Variants in DISP2 observed in about 807,000 individuals in gnomAD.
The protein encoded by DISP2 is protein dispatched homolog 2.
Under a neutral mutation model 95.5 loss-of-function variants are expected in DISP2, and 59 were observed. The observed-to-expected ratio is 0.62, with a 90% CI of 0.50 to 0.77. The LOEUF (loss-of-function observed/expected upper bound fraction) is 0.77. Ranked by LOEUF, DISP2 falls within the 30% of genes least tolerant of loss-of-function variation. The pLI, the probability that DISP2 is intolerant of heterozygous loss-of-function variation, is 0.00. For missense variants in DISP2, 1,752 were observed against 1,854.6 expected, an observed-to-expected ratio of 0.94 and a Z score of 1.02; for synonymous variants, 827 against 815.0, an observed-to-expected ratio of 1.01 and a Z score of -0.25.
In DISP2 at chr15:40,368,453, G is replaced by T; in HGVS notation, c.2341G>T (p.Val781Leu). 1.2e-6 allele frequency: 2 copies of T among 1,609,628 alleles called. No homozygotes were observed. The highest frequency in any genetic ancestry group is 2.2e-5 in the South Asian group (2 of 91,076). The change falls in exon 8 of 8, where the codon GTG becomes TTG. Residue 781 changes from valine to leucine, a missense_variant. Val to Leu is a conservative substitution (Grantham distance 32). Coordinates refer to ENST00000267889, the MANE Select transcript of DISP2 (RefSeq NM_033510.3). ...PVVLVWGVLPVDTGDPLDPRS... is the reference protein window; with the variant it reads ...PVVLVWGVLPLDTGDPLDPRS... ...GGTTTTGGTGTGGGGCGTCCTGCCT[G>T]TGGACACTGGCGACCCTCTGGACCC...
At chr15:40,365,573 G>A in intron 6 of DISP2, 55 bp from the exon 7 acceptor site, 1 of 1,589,700 alleles carries the variant, frequency 6.3e-7, no homozygotes, top group East Asian at 2.2e-5. Context: ...CCCTTTGGAG[G>A]ACCCAGGACC....
Position 40,361,582 on chromosome 15 carries a change from C to G in DISP2, c.120-2043C>G, listed in dbSNP as rs542613138. Among the ~76,000 whole-genome samples, 3 of 152,334 alleles carry G rather than the reference C, an allele frequency of 2.0e-5. No homozygotes were observed. In the South Asian group the frequency reaches 6.2e-4, roughly 32 times the overall value. On this transcript the variant is annotated intron_variant, in intron 1 of 7. Coordinates refer to ENST00000267889, the MANE Select transcript of DISP2 (RefSeq NM_033510.3). ...CCAAAGGGTGTTTGAGTCAGAAGCCCACCTCCACTGCTCCCCCATTTCACC... is the reference window on the plus strand; with the variant it reads ...CCAAAGGGTGTTTGAGTCAGAAGCCGACCTCCACTGCTCCCCCATTTCACC...
intron 5 of DISP2, 50 bp from the exon 6 acceptor site, chr15:40,365,097 G>C (rs776139798): frequency 6.2e-7 from 1 of 1,600,708 alleles, no homozygotes; most frequent in East Asian, 2.2e-5. Flanking sequence ...GGCCTCCTCT[G>C]AGTCTTCCAA....
intron 1 of DISP2, among the ~76,000 whole-genome samples, chr15:40,359,095 C>T (rs1889367161): frequency 6.6e-6 from 1 of 152,192 alleles, no homozygotes. Flanking sequence ...GGAGGGACAC[C>T]TTCCTGCTGA....
At position 40,368,701 on chromosome 15, in the gene DISP2, C is replaced by T. The variant is rs997390257; in HGVS notation, c.2589C>T (p.Asp863=). 1.3e-5 allele frequency: 21 copies of T among 1,613,050 alleles called. No homozygotes were observed. The highest frequency in any genetic ancestry group is 1.4e-5 in the Non-Finnish European group (17 of 1,180,040). The part of the protein sequence containing the change: ...LGPDLCCGHS[D]FPWAPQFFLH... ...CTGACCTCTGCTGCGGCCACTCGGA[C>T]TTCCCCTGGGCCCCCCAGTTTTTCC... Residue 863 remains aspartate (D), a synonymous_variant, in exon 8 of 8, where the codon GAC becomes GAT. Transcript: ENST00000267889.
chr15:40,361,234 G>A (rs4924457), intron 1 of DISP2, among the ~76,000 whole-genome samples: 105,779 of 152,206 alleles, frequency 0.69, 37,011 homozygotes, highest in East Asian at 0.84. Flanking sequence ...TGGATAACAA[G>A]AAGGAAAGTA....
chr15:40,358,546 C>A, intron 1 of DISP2, 106 bp downstream of exon 1: 1 of 861,868 alleles, frequency 1.2e-6, no homozygotes, highest in Non-Finnish European at 1.5e-6. Context: ...TTCCCCAGAC[C>A]CTCCCGGAGC....
intron 1 of DISP2, among the ~76,000 whole-genome samples, chr15:40,361,346 C>T (rs977736232): frequency 5.9e-5 from 9 of 152,232 alleles, no homozygotes; most frequent in Admixed American, 1.3e-4. Flanking sequence ...AAACACACTT[C>T]TAAAAGTATA....
rs755231273 is a variant in DISP2 at position 40,365,697 on chromosome 15, A to G, written c.917A>G (p.His306Arg). ...AGCCTATGGAACCTGCATGCCATCC[A>G]TTCCATGTGTCGCATGGAACAGGAC... ...SGSLWNLHAIHSMCRMEQDQI... is the reference protein window; with the variant it reads ...SGSLWNLHAIRSMCRMEQDQI... Residue 306 changes from histidine (H) to arginine (R), a missense_variant, in exon 7 of 8, where the codon CAT becomes CGT. This residue lies in a region of DISP2 where 14 missense variants were observed against 36.6 expected (regional missense o/e 0.38). Transcript: ENST00000267889. The G allele has an allele frequency of 1.2e-5, 19 of 1,614,120 alleles. No individual in the cohort carries two copies. Among genetic ancestry groups the G allele is most frequent in the Non-Finnish European group, 1.5e-5 (18 of 1,180,022 alleles).
At position 40,370,655 on chromosome 15, in the gene DISP2, C is replaced by A. The variant is rs566208307; in HGVS notation, c.*337C>A. ...GGTATCAGAGGAGGCTGACCTGGCC[C>A]CCATCCCAAGTTACAAGAACTTCAG... On this transcript the variant is annotated 3_prime_UTR_variant, in exon 8 of 8. Coordinates refer to ENST00000267889, the MANE Select transcript of DISP2 (RefSeq NM_033510.3). 2 of 532,378 alleles carry A rather than the reference C, an allele frequency of 3.8e-6. No individual in the cohort carries two copies. The highest frequency in any genetic ancestry group is 3.1e-5 in the South Asian group (2 of 65,228). 33.0% of individuals were successfully genotyped at this position (532,378 alleles called of 1,614,324 possible). A position where few individuals can be genotyped will look rare whatever the true frequency, so the allele number is the denominator to read the frequency against.
rs991084886 is a variant in DISP2 at position 40,367,858 on chromosome 15, G to T, written c.1746G>T (p.Val582=). 2.5e-6 allele frequency: 4 copies of T among 1,600,106 alleles called. No homozygotes were observed. Among genetic ancestry groups the T allele is most frequent in the Non-Finnish European group, 3.4e-6 (4 of 1,179,830 alleles). The change falls in exon 8 of 8, where the codon GTG becomes GTT. Residue 582 remains valine, a synonymous_variant. Transcript: ENST00000267889. Reference sequence around the variant, plus strand: ...CGTCGGGGGGGCTGGCGCAGCGCGTGGGCCGCACCATGCACCACTTCGGCT... The same window carrying T: ...CGTCGGGGGGGCTGGCGCAGCGCGTTGGCCGCACCATGCACCACTTCGGCT... ...QLPSGGLAQR[V]GRTMHHFGYL... is the part of the protein sequence containing the mutation.
rs199786791 is a variant in DISP2 at position 40,368,827 on chromosome 15, A to G, written c.2715A>G (p.Leu905=). 1.7e-5 allele frequency: 28 copies of G among 1,613,970 alleles called. No homozygotes were observed. The East Asian group carries it at 5.6e-4, about 32-fold the overall frequency. Reference sequence around the variant, plus strand: ...ATGGCAGCCTGGCCGCCCTGGTCCTACAATTCCAGACCAACTTCCGGAACA... The same window carrying G: ...ATGGCAGCCTGGCCGCCCTGGTCCTGCAATTCCAGACCAACTTCCGGAACA... ...DAHGSLAALV[L]QFQTNFRNSP... Residue 905 remains leucine, a synonymous_variant, in exon 8 of 8, where the codon CTA becomes CTG. Transcript: ENST00000267889.
chr15:40,361,312 C>A (rs1471546663), intron 1 of DISP2, among the ~76,000 whole-genome samples: 2 of 152,150 alleles, frequency 1.3e-5, no homozygotes, highest in African/African-American at 4.8e-5. Flanking sequence ...TCTGAGGTGC[C>A]AAAAGAGGAC....
At position 40,367,258 on chromosome 15, in the gene DISP2, C is replaced by T. The variant is rs369020446; in HGVS notation, c.1146C>T (p.Pro382=). The change falls in exon 8 of 8, where the codon CCC becomes CCT. Residue 382 remains proline, a synonymous_variant. Transcript: ENST00000267889. ...ACTACCACAGTGGCGCCTTGGTGCC[C>T]TCTTGTCTGGGACCTGGGCAGAACA... The part of the protein sequence containing the change: ...ALYYHSGALV[P]SCLGPGQNKS... The T allele has an allele frequency of 6.2e-7, 1 of 1,613,910 alleles. No homozygotes were observed. The highest frequency in any genetic ancestry group is 1.3e-5 in the African/African-American group (1 of 74,950).
Position 40,358,450 on chromosome 15 carries a change from A to C in DISP2, c.119+10A>C. On this transcript the variant is annotated intron_variant, in intron 1 of 7. Coordinates refer to ENST00000267889, the MANE Select transcript of DISP2 (RefSeq NM_033510.3). ...GCGGCTCCCCGGACAGGTAGGGCGGACAGCTCCGCAGATCCGTATCACAGA... is the reference window on the plus strand; with the variant it reads ...GCGGCTCCCCGGACAGGTAGGGCGGCCAGCTCCGCAGATCCGTATCACAGA... 1 of 1,302,596 alleles carries C rather than the reference A, an allele frequency of 7.7e-7. No homozygotes were observed. The highest frequency in any genetic ancestry group is 9.8e-7 in the Non-Finnish European group (1 of 1,024,462). 80.7% of individuals were successfully genotyped at this position (1,302,596 alleles called of 1,614,324 possible). A position where few individuals can be genotyped will look rare whatever the true frequency, so the allele number is the denominator to read the frequency against.
At position 40,368,913 on chromosome 15, in the gene DISP2, A is replaced by G; in HGVS notation, c.2801A>G (p.Glu934Gly). ...YNEVSHWLAA[E>G]LGMAPPGLRR... ...GAGGTCAGCCACTGGCTGGCAGCGGAGCTGGGCATGGCACCTCCAGGCCTC... is the reference window on the plus strand; with the variant it reads ...GAGGTCAGCCACTGGCTGGCAGCGGGGCTGGGCATGGCACCTCCAGGCCTC... The change falls in exon 8 of 8, where the codon GAG (glutamate) becomes GGG (glycine). Residue 934 changes from glutamate (E) to glycine (G), a missense_variant. Physicochemically the swap from Glu to Gly is moderately conservative, Grantham distance 98 (BLOSUM62 -2). Around this residue, in one of 5 missense-constraint regions of DISP2, gnomAD observed 317 missense variants for 394.9 expected, o/e 0.80. Transcript: ENST00000267889. 5 of 1,613,844 alleles carry G rather than the reference A, an allele frequency of 3.1e-6. No individual in the cohort carries two copies. The highest frequency in any genetic ancestry group is 4.2e-6 in the Non-Finnish European group (5 of 1,180,036).
At chr15:40,358,494 G>A in intron 1 of DISP2, 54 bp downstream of exon 1, 3 of 1,081,432 alleles carry the variant, frequency 2.8e-6, no homozygotes, top group South Asian at 4.1e-5. Flanking sequence ...GACCCTCCCC[G>A]CCCCAGGTAT....
chr15:40,364,373 C>A (rs757319729), intron 3 of DISP2, 48 bp from the exon 4 acceptor site: 2 of 1,613,326 alleles, frequency 1.2e-6, no homozygotes, highest in South Asian at 2.2e-5. Flanking sequence ...GAGCTCAGCA[C>A]CCGTTGCTAC....
At position 40,363,786 on chromosome 15, in the gene DISP2, C is replaced by T. The variant is rs766714035; in HGVS notation, c.281C>T (p.Thr94Ile). 5 of 1,613,396 alleles carry T rather than the reference C, an allele frequency of 3.1e-6. No homozygotes were observed. The highest frequency in any genetic ancestry group is 4.2e-6 in the Non-Finnish European group (5 of 1,179,568). ...PSSPLAPAHF[T>I]YPRALQEYQG... ...AGCCCCTTGGCCCCTGCCCACTTCA[C>T]CTATCCCCGGGCACTGCAGGAATAC... Residue 94 changes from threonine to isoleucine, a missense_variant, in exon 2 of 8, where the codon ACC becomes ATC. Physicochemically the swap from Thr to Ile is moderately conservative, Grantham distance 89 (BLOSUM62 -1). This residue lies in a region of DISP2 where 342 missense variants were observed against 364.3 expected (regional missense o/e 0.94). Transcript: ENST00000267889.
Sources: allele counts gnomAD v4.1 joint callset (sites outside exome capture counted in the v4.1 genomes callset), GRCh38; gene constraint gnomAD v4.1.1; regional missense constraint gnomAD v4.1.1; transcripts MANE v1.5; gene names NCBI Gene and HGNC (gene_info 2026-07-23, HGNC 2026-07-21).